Variants in FSD1L observed in about 807,000 individuals in gnomAD.
The protein encoded by FSD1L is FSD1-like protein.
In FSD1L, 45 loss-of-function variants were observed where a neutral mutation model predicts 71.6. The observed-to-expected ratio is 0.63, with a 90% CI of 0.49 to 0.81. The LOEUF is 0.81. Ranked by LOEUF, FSD1L falls within the 30% of genes least tolerant of loss-of-function variation. The pLI, the probability that FSD1L is intolerant of heterozygous loss-of-function variation, is 0.00. For synonymous variants in FSD1L, 197 were observed against 207.2 expected (o/e 0.95, Z 0.42); for missense variants, 561 against 618.1 (o/e 0.91, Z 0.98).
At chr9:105,518,127 T>A (rs1834854276) in intron 10 of FSD1L, among the ~76,000 whole-genome samples, 1 of 152,196 alleles carries the variant, frequency 6.6e-6, no homozygotes, top group Non-Finnish European at 1.5e-5. Flanking sequence ...TAAATATATA[T>A]GCACCCAACA....
chr9:105,477,879 T>C (rs1831914504), intron 5 of FSD1L, among the ~76,000 whole-genome samples: 1 of 152,158 alleles, frequency 6.6e-6, no homozygotes, highest in African/African-American at 2.4e-5. Context: ...AGAAATAGAA[T>C]GATTAATATA....
intron 6 of FSD1L, among the ~76,000 whole-genome samples, chr9:105,482,398 T>G (rs981263473): frequency 6.6e-6 from 1 of 152,156 alleles, no homozygotes; most frequent in African/African-American, 2.4e-5. Context: ...GTCAAGTTAA[T>G]TAGGTAGTTT....
upstream of FSD1L, among the ~76,000 whole-genome samples, chr9:105,445,598 C>T (rs747847075): frequency 2.6e-5 from 4 of 152,148 alleles, no homozygotes; most frequent in East Asian, 1.9e-4. Flanking sequence ...GCCCTGTCTC[C>T]TCTGCTTAGT....
At position 105,448,176 on chromosome 9, in the gene FSD1L, G is replaced by A. The variant is rs768864340; in HGVS notation, c.-45G>A. 2 of 1,540,964 alleles carry A rather than the reference G, an allele frequency of 1.3e-6. No individual in the cohort carries two copies. Among genetic ancestry groups the A allele is most frequent in the Non-Finnish European group, 1.8e-6 (2 of 1,141,070 alleles). On this transcript the variant is annotated 5_prime_UTR_variant, in exon 1 of 14. Transcript: ENST00000481272. ...GCGATCTCGCTGAGCCTCCTCACAC[G>A]GTTCGTCGTCTCGGGTTCGAGCCCA...
intron 12 of FSD1L, among the ~76,000 whole-genome samples, 155 bp from the exon 13 acceptor site, chr9:105,539,108 C>T (rs1186297617): frequency 6.6e-6 from 1 of 152,062 alleles, no homozygotes; most frequent in Non-Finnish European, 1.5e-5. Context: ...AGCATTTGTC[C>T]TTCTGATTTT....
At chr9:105,485,720 T>G (rs948736704) in intron 7 of FSD1L, among the ~76,000 whole-genome samples, 2 of 151,662 alleles carry the variant, frequency 1.3e-5, no homozygotes, top group Admixed American at 1.3e-4. Context: ...CTCGGCTCAC[T>G]GCAAGCTCTG....
intron 5 of FSD1L, among the ~76,000 whole-genome samples, chr9:105,474,857 CT>C (rs2131662185): frequency 6.6e-6 from 1 of 152,326 alleles, no homozygotes; most frequent in African/African-American, 2.4e-5. Flanking sequence ...ATGCTATTTA[CT>C]GGCATTTTAC....
chr9:105,545,256 T>C (rs568158268), intron 13 of FSD1L, among the ~76,000 whole-genome samples: 1 of 145,766 alleles, frequency 6.9e-6, no homozygotes, highest in East Asian at 1.9e-4. Flanking sequence ...ATGCTTGTGA[T>C]TTTTGCACAT....
chr9:105,520,136 C>T (rs1303105146), intron 10 of FSD1L: 6 of 1,603,108 alleles, frequency 3.7e-6, no homozygotes, highest in East Asian at 2.2e-5. Flanking sequence ...GGATGTTCTC[C>T]AAGAAGCCGC....
chr9:105,508,174 CTTTTTTTTTTTT>C (rs11320443), intron 8 of FSD1L, among the ~76,000 whole-genome samples: 1 of 100,478 alleles, frequency 1.0e-5, no homozygotes, highest in African/African-American at 4.2e-5. Context: ...ACATATCACT[CTTTTTTTTTTTT>C]TTTTTTTTTG....
Position 105,521,980 on chromosome 9 carries a change from A to G in FSD1L, c.1025+9044A>G, listed in dbSNP as rs1306841636. On this transcript the variant is annotated intron_variant, in intron 10 of 13. Coordinates refer to ENST00000481272, the MANE Select transcript of FSD1L (RefSeq NM_001145313.3). The stretch of plus-strand genomic sequence containing the variant: ...ATGGTTGTACAAGTATCAATGGACA[A>G]AAAGACTTGGGAACACATGCTGCTT... The G allele has an allele frequency of 9.3e-6, 15 of 1,613,058 alleles. No homozygotes were observed. The East Asian group carries it at 3.1e-4, about 34-fold the overall frequency.
intron 7 of FSD1L, among the ~76,000 whole-genome samples, chr9:105,498,990 C>T (rs923509320): frequency 6.6e-6 from 1 of 152,126 alleles, no homozygotes; most frequent in Non-Finnish European, 1.5e-5. Flanking sequence ...TAAGTGATTT[C>T]TAATTTAATC....
At chr9:105,490,989 G>A (rs1420888198) in intron 7 of FSD1L, among the ~76,000 whole-genome samples, 1 of 150,886 alleles carries the variant, frequency 6.6e-6, no homozygotes, top group Non-Finnish European at 1.5e-5. Context: ...GGCGATGTGG[G>A]CTCTTTTTTG....
Position 105,512,829 on chromosome 9 carries a change from C to T in FSD1L, c.918C>T (p.Asn306=). 6.6e-7 allele frequency: 1 copy of T among 1,523,922 alleles called. No homozygotes were observed. The highest frequency in any genetic ancestry group is 1.7e-4 in the Middle Eastern group (1 of 5,882). The allele number at this position is 1,523,922 out of a possible 1,614,324, so 94.4% of individuals were successfully genotyped here. ...TAGCACTTAACTTCAATTTGGATAA[C>T]TCCTCATCCCATTTGAACCTGAAAG... is the stretch of plus-strand genomic sequence containing the variant. ...ETKALNFNLD[N]SSSHLNLKVE... is the part of the protein sequence containing the mutation. The change falls in exon 10 of 14, where the codon AAC becomes AAT. Residue 306 remains asparagine, a synonymous_variant. Transcript: ENST00000481272.
chr9:105,506,750 T>G, intron 8 of FSD1L, 142 bp downstream of exon 8: 2 of 608,538 alleles, frequency 3.3e-6, no homozygotes, highest in African/African-American at 3.7e-5. Flanking sequence ...GAAGTGATTT[T>G]CTCTTGAAAC....
chr9:105,501,596 A>ATTT (rs5899666), intron 7 of FSD1L, among the ~76,000 whole-genome samples: 2 of 133,374 alleles, frequency 1.5e-5, no homozygotes, highest in Non-Finnish European at 3.2e-5. Context: ...CTAATTTTTA[A>ATTT]TTTTTTTTTT....
At position 105,534,518 on chromosome 9, in the gene FSD1L, A is replaced by C. The variant is rs1186848834; in HGVS notation, c.1051A>C (p.Thr351Pro). The change falls in exon 11 of 14, where the codon ACA (threonine) becomes CCA (proline). Residue 351 changes from threonine to proline, a missense_variant. Physicochemically the swap from Thr to Pro is conservative, Grantham distance 38 (BLOSUM62 -1). This residue lies in a region of FSD1L where 410 missense variants were observed against 413.5 expected (regional missense o/e 0.99). Transcript: ENST00000481272. The stretch of plus-strand genomic sequence containing the variant: ...AAGTGGTACACCATCCCCAAAACGA[A>C]CATCTGTAGGCTCCAGGCCACCAGC... ...GRSGTPSPKRTSVGSRPPAVR... is the reference protein window; with the variant it reads ...GRSGTPSPKRPSVGSRPPAVR... 2 of 1,549,800 alleles carry C rather than the reference A, an allele frequency of 1.3e-6. No individual in the cohort carries two copies. Among genetic ancestry groups the C allele is most frequent in the Admixed American group, 2.0e-5 (1 of 50,936 alleles).
Position 105,506,481 on chromosome 9 carries a change from A to AGAT in FSD1L, c.670_672dup (p.Asp224dup). The AGAT allele has an allele frequency of 6.4e-7, 1 of 1,551,584 alleles. No individual in the cohort carries two copies. The highest frequency in any genetic ancestry group is 8.7e-7 in the Non-Finnish European group (1 of 1,146,844). On this transcript the variant is annotated inframe_insertion, in exon 8 of 14. Coordinates refer to ENST00000481272, the MANE Select transcript of FSD1L (RefSeq NM_001145313.3). ...CAGTGGCTTGGAGAATGCCAGAAGA[A>AGAT]GATAATAAGATTGACCATTTTATAC...
rs376023370 is a variant in FSD1L, at chr9:105,541,677, T to C, written c.1467+2326T>C. On this transcript the variant is annotated intron_variant, in intron 13 of 13. Transcript: ENST00000481272. The stretch of plus-strand genomic sequence containing the variant: ...AGTCAGTTTTATTGAATTTATAGTA[T>C]GGTGCAGTTCTGTGGTTTTTAGCAA... Among the ~76,000 whole-genome samples, 163 of 152,332 alleles carry C rather than the reference T, an allele frequency of 1.1e-3. No homozygotes were observed. In the Middle Eastern group the frequency reaches 0.024, roughly 22 times the overall value.
Sources: gnomAD v4.1 joint callset for allele counts (sites outside exome capture counted in the v4.1 genomes callset) on GRCh38, gnomAD v4.1.1 for gene constraint, gnomAD v4.1.1 regional missense constraint, MANE v1.5 for transcripts, NCBI Gene and HGNC (gene_info 2026-07-23, HGNC 2026-07-21) for gene names.